Variants in FILIP1L observed in about 807,000 individuals in gnomAD.
The protein encoded by FILIP1L is filamin A interacting protein 1 like, also known as filamin A-interacting protein 1-like.
FILIP1L carries 55 observed loss-of-function variants against 96.6 expected under a neutral mutation model. The ratio of observed to expected loss-of-function variants is 0.57; its 90% CI spans 0.46 to 0.71. The LOEUF is 0.71. Among genes scored for constraint, FILIP1L ranks in the 30% least tolerant of loss-of-function variants. The probability of loss-of-function intolerance (pLI) is 0.00; values close to 1 mark genes in which losing one functional copy is unlikely to be tolerated. For missense variants in FILIP1L, 1,304 were observed against 1,321.2 expected, an observed-to-expected ratio of 0.99 and a Z score of 0.20; for synonymous variants, 467 against 473.9, an observed-to-expected ratio of 0.99 and a Z score of 0.19.
intron 1 of FILIP1L, among the ~76,000 whole-genome samples, chr3:100,039,536 G>A (rs758317771): frequency 4.6e-5 from 7 of 151,988 alleles, no homozygotes; most frequent in South Asian, 2.1e-4. Context: ...TATAATATGC[G>A]GGATACCAGG....
At chr3:100,098,470 G>A (rs975560399) in intron 1 of FILIP1L, among the ~76,000 whole-genome samples, 16 of 152,190 alleles carry the variant, frequency 1.1e-4, no homozygotes, top group Non-Finnish European at 1.8e-4. Context: ...GTGTATTAAA[G>A]TATTCAGCAT....
At chr3:99,869,256 G>C (rs540245327) in intron 4 of FILIP1L, among the ~76,000 whole-genome samples, 1 of 152,268 alleles carries the variant, frequency 6.6e-6, no homozygotes, top group South Asian at 2.1e-4. Flanking sequence ...AACTTTGCCT[G>C]TGATTCTTTG....
intron 1 of FILIP1L, among the ~76,000 whole-genome samples, chr3:99,949,663 T>C (rs1388594100): frequency 6.6e-6 from 1 of 152,244 alleles, no homozygotes; most frequent in Non-Finnish European, 1.5e-5. Context: ...TATGTTATAA[T>C]TTCCTAATCA....
chr3:99,830,790 A>C (rs1942646240), intron 5 of FILIP1L, among the ~76,000 whole-genome samples, 185 bp from the exon 6 acceptor site: 1 of 152,188 alleles, frequency 6.6e-6, no homozygotes, highest in Non-Finnish European at 1.5e-5. Context: ...GTGTGTGTTG[A>C]ATGTGTGCTG....
chr3:100,047,130 A>C (rs1049880840), intron 1 of FILIP1L, among the ~76,000 whole-genome samples: 2 of 152,234 alleles, frequency 1.3e-5, no homozygotes, highest in Non-Finnish European at 2.9e-5. Flanking sequence ...CTTGTTGGTA[A>C]AATGGGTATA....
intron 1 of FILIP1L, among the ~76,000 whole-genome samples, chr3:100,045,796 T>C (rs1426670047): frequency 6.6e-6 from 1 of 152,224 alleles, no homozygotes; most frequent in Middle Eastern, 3.2e-3. Flanking sequence ...CTGTAACACA[T>C]TGCACATGTC....
intron 1 of FILIP1L, among the ~76,000 whole-genome samples, chr3:99,940,883 T>G (rs984402303): frequency 6.6e-6 from 1 of 152,222 alleles, no homozygotes; most frequent in Non-Finnish European, 1.5e-5. Context: ...GTCTTCCCTT[T>G]CTTTCATCTA....
chr3:100,040,583 A>C (rs1187333964), intron 1 of FILIP1L: 1 of 152,206 alleles, frequency 6.6e-6, no homozygotes, highest in African/African-American at 2.4e-5. Context: ...TAGATGATTA[A>C]TAGACTGAAC....
chr3:100,011,816 G>A (rs1295145445), intron 1 of FILIP1L: 2 of 152,136 alleles, frequency 1.3e-5, no homozygotes, highest in Non-Finnish European at 2.9e-5. Flanking sequence ...ATGAATAGAA[G>A]GATGAGTGGC....
intron 3 of FILIP1L, among the ~76,000 whole-genome samples, chr3:99,925,299 T>TA (rs1394805078): frequency 2.6e-5 from 4 of 152,230 alleles, no homozygotes; most frequent in Non-Finnish European, 1.5e-5. Context: ...GCACTATACT[T>TA]ACATCTTTTT....
intron 5 of FILIP1L, among the ~76,000 whole-genome samples, chr3:99,837,678 T>C (rs546485180): frequency 2.0e-5 from 3 of 152,342 alleles, no homozygotes; most frequent in Non-Finnish European, 4.4e-5. Flanking sequence ...CCAACACTTC[T>C]CCTTCTGACC....
chr3:100,051,191 G>T (rs905904675), intron 1 of FILIP1L: 1 of 151,992 alleles, frequency 6.6e-6, no homozygotes, highest in Non-Finnish European at 1.5e-5. Context: ...TTCTCTGTGA[G>T]TCCAGCTTCT....
At chr3:99,847,135 T>G (rs760237793) in intron 5 of FILIP1L, among the ~76,000 whole-genome samples, 4 of 152,284 alleles carry the variant, frequency 2.6e-5, no homozygotes, top group Non-Finnish European at 4.4e-5. Flanking sequence ...ACATACTGTA[T>G]TTTTTAAATA....
At chr3:99,916,681 A>G (rs1318463907) in intron 4 of FILIP1L, among the ~76,000 whole-genome samples, 1 of 152,202 alleles carries the variant, frequency 6.6e-6, no homozygotes, top group Non-Finnish European at 1.5e-5. Context: ...CCCAAGGTCA[A>G]ATAGCCAGTA....
chr3:99,982,333 G>A (rs1346837280), intron 1 of FILIP1L, among the ~76,000 whole-genome samples: 2 of 151,378 alleles, frequency 1.3e-5, no homozygotes, highest in African/African-American at 4.9e-5. Flanking sequence ...TTCACCATTA[G>A]GTAATTTTTT....
At chr3:99,983,046 G>C (rs897069006) in intron 1 of FILIP1L, among the ~76,000 whole-genome samples, 1 of 150,920 alleles carries the variant, frequency 6.6e-6, no homozygotes, top group African/African-American at 2.5e-5. Context: ...TCATTGTTCT[G>C]TACCCATCAG....
chr3:100,031,994 C>CTAATTTTTAATTTTTTTTTTTAATT lies in FILIP1L; in HGVS notation c.-11+82058_-11+82059insAATTAAAAAAAAAAATTAAAAATTA, dbSNP rs550076814. ...TATTTTTCATGCATCATGAAAAATC[C>CTAATTTTTAATTTTTTTTTTTAATT]TAATTTTTAATTTTTTCAGCTGTTT... On this transcript the variant is annotated intron_variant, in intron 1 of 5. Coordinates refer to ENST00000477258, the MANE Select transcript of FILIP1L (RefSeq NM_001387850.1). Among the ~76,000 whole-genome samples, 80 of 152,120 alleles carry CTAATTTTTAATTTTTTTTTTTAATT rather than the reference C, an allele frequency of 5.3e-4. 3 individuals carry two copies. In the East Asian group the frequency reaches 0.015, roughly 29 times the overall value.
At chr3:100,093,110 A>G (rs1455640605) in intron 1 of FILIP1L, among the ~76,000 whole-genome samples, 1 of 152,142 alleles carries the variant, frequency 6.6e-6, no homozygotes, top group Non-Finnish European at 1.5e-5. Flanking sequence ...TTTAAAAGAA[A>G]AGGTTAGCTC....
chr3:99,998,490 AAGGGAAGT>A (rs1330653552), intron 1 of FILIP1L, among the ~76,000 whole-genome samples: 1 of 152,186 alleles, frequency 6.6e-6, no homozygotes, highest in Non-Finnish European at 1.5e-5. Flanking sequence ...CAATTTGGTA[AAGGGAAGT>A]AGGGAAGTAG....
Sources: allele counts gnomAD v4.1 joint callset (sites outside exome capture counted in the v4.1 genomes callset), GRCh38; gene constraint gnomAD v4.1.1; transcripts MANE v1.5; gene names NCBI Gene and HGNC (gene_info 2026-07-23, HGNC 2026-07-21).